The following FBF1 variants were observed in gnomAD, a reference collection of about 807,000 sequenced individuals.
The protein encoded by FBF1 is fas-binding factor 1.
In FBF1, 119 loss-of-function variants were observed where a neutral mutation model predicts 147.2. That is an observed-to-expected ratio of 0.81 (90% CI 0.70 to 0.94). The LOEUF is 0.94. FBF1 is among the 40% of genes least tolerant of loss of function. The probability of loss-of-function intolerance (pLI) is 0.00; values close to 1 mark genes in which losing one functional copy is unlikely to be tolerated. For missense variants in FBF1, 1,449 were observed against 1,500.8 expected (o/e 0.97, Z 0.57); for synonymous variants, 601 against 609.0 (o/e 0.99, Z 0.19).
rs2065449111 is a variant in FBF1, at chr17:75,910,170, C to A, written c.*553G>T. 2.5e-6 allele frequency: 1 copy of A among 406,168 alleles called. No individual in the cohort carries two copies. The highest frequency in any genetic ancestry group is 4.8e-6 in the Non-Finnish European group (1 of 209,394). The allele number at this position is 406,168 out of a possible 1,614,324, so 25.2% of individuals were successfully genotyped here. On this transcript the variant is annotated 3_prime_UTR_variant, in exon 30 of 30. Coordinates refer to ENST00000636174, the MANE Select transcript of FBF1 (RefSeq NM_001319193.2). This position sits in a 1 kb window ranked among gnomAD's most constrained non-coding sequence, Gnocchi z 4.1. ...CTGGGCAAGCCCAGGAGGAGGAGGG[C>A]CTGGCTGAGTTCCAGGAACATCTCA...
chr17:75,912,342 T>C (rs202022944), intron 28 of FBF1, 35 bp from the exon 29 acceptor site: 1 of 1,498,146 alleles, frequency 6.7e-7, no homozygotes, highest in East Asian at 2.4e-5. Context: ...GGGACCAAAG[T>C]GTTGGTGGAA....
rs1224589616 is a variant in FBF1 at position 75,913,683 on chromosome 17, T to G, written c.3247+19A>C. ...TGCCCAGTCCTGAGCCGCCGGCCCT[T>G]CCTTCTGGAGCCACTCACCACTCTG... On this transcript the variant is annotated intron_variant, in intron 28 of 29. Transcript: ENST00000636174. 6.4e-7 allele frequency: 1 copy of G among 1,568,254 alleles called. No individual in the cohort carries two copies. Among genetic ancestry groups the G allele is most frequent in the Admixed American group, 1.8e-5 (1 of 56,186 alleles).
rs1050781758 is a variant in FBF1, at chr17:75,923,772, C to T, written c.969-131G>A. On this transcript the variant is annotated intron_variant, in intron 13 of 29. Transcript: ENST00000636174. This position sits in a 1 kb window ranked among gnomAD's most constrained non-coding sequence, Gnocchi z 4.1. ...AGCTGAGGCCCAGTGAGCAGTGGCTCCTGGACCGGCTCAGGTGGCAGGCCA... is the reference window on the plus strand; with the variant it reads ...AGCTGAGGCCCAGTGAGCAGTGGCTTCTGGACCGGCTCAGGTGGCAGGCCA... The T allele has an allele frequency of 5.6e-5, 50 of 894,094 alleles. No individual in the cohort carries two copies. Among genetic ancestry groups the T allele is most frequent in the East Asian group, 4.5e-4 (17 of 37,640 alleles). The allele number at this position is 894,094 out of a possible 1,614,324, so 55.4% of individuals were successfully genotyped here.
chr17:75,927,471 C>G lies in FBF1; in HGVS notation c.459G>C (p.Arg153Ser), dbSNP rs1229457778. 6.3e-7 allele frequency: 1 copy of G among 1,597,700 alleles called. No individual in the cohort carries two copies. The highest frequency in any genetic ancestry group is 8.5e-7 in the Non-Finnish European group (1 of 1,172,416). The change falls in exon 9 of 30, where the codon AGG becomes AGC. Residue 153 changes from arginine to serine, a missense_variant. By Grantham distance (110) the Arg-to-Ser change is moderately radical. Coordinates refer to ENST00000636174, the MANE Select transcript of FBF1 (RefSeq NM_001319193.2). The stretch of plus-strand genomic sequence containing the variant: ...CTATGGTACCTTCAGAGGAAAACCT[C>G]CTGTTCTGATGCCCAGAGCTGCTGG... ...PSPSSSGHQN[R>S]RFSSEDLEDP...
chr17:75,929,735 T>C (rs2065582785), intron 7 of FBF1, among the ~76,000 whole-genome samples: 1 of 151,988 alleles, frequency 6.6e-6, no homozygotes, highest in South Asian at 2.1e-4. Flanking sequence ...CCCAGCTAGG[T>C]GGGCCTCCGA....
chr17:75,938,108 T>G, intron 2 of FBF1, 39 bp downstream of exon 2: 1 of 1,612,136 alleles, frequency 6.2e-7, no homozygotes, highest in Non-Finnish European at 8.5e-7. Context: ...ATGGGAGGCA[T>G]GTTCGCTTTC....
chr17:75,914,062 C>A lies in FBF1; in HGVS notation c.2992-12G>T, dbSNP rs1422729909. The A allele has an allele frequency of 1.9e-6, 3 of 1,591,222 alleles. No individual in the cohort carries two copies. Among genetic ancestry groups the A allele is most frequent in the African/African-American group, 2.7e-5 (2 of 74,776 alleles). ...TTCTCGGAGGCCACCTGCAGGGAGG[C>A]CGCCTGGGTCAGGGCTGCCTGGGCT... On this transcript the variant is annotated splice_polypyrimidine_tract_variant and intron_variant, in intron 26 of 29. Transcript: ENST00000636174.
rs1482793793 is a variant in FBF1, at chr17:75,909,870, G to C, written c.*853C>G. 1 of 697,908 alleles carries C rather than the reference G, an allele frequency of 1.4e-6. No homozygotes were observed. The highest frequency in any genetic ancestry group is 2.6e-6 in the Non-Finnish European group (1 of 381,778). The allele number at this position is 697,908 out of a possible 1,614,324, so 43.2% of individuals were successfully genotyped here. A position where few individuals can be genotyped will look rare whatever the true frequency, so the allele number is the denominator to read the frequency against. ...GCCATGGCAAAAGCAGTTTTTTTAA[G>C]CTTAGTCAAGTTGAAGCAGCGGGAG... On this transcript the variant is annotated 3_prime_UTR_variant, in exon 30 of 30. Transcript: ENST00000636174.
At position 75,913,710 on chromosome 17, in the gene FBF1, C is replaced by T; in HGVS notation, c.3239G>A (p.Ser1080Asn). 1 of 1,594,886 alleles carries T rather than the reference C, an allele frequency of 6.3e-7. No homozygotes were observed. The highest frequency in any genetic ancestry group is 8.5e-7 in the Non-Finnish European group (1 of 1,177,658). Residue 1080 changes from serine (S) to asparagine (N), a missense_variant, in exon 28 of 30, where the codon AGC (serine) becomes AAC (asparagine). By Grantham distance (46) the Ser-to-Asn change is conservative (BLOSUM62 1). Coordinates refer to ENST00000636174, the MANE Select transcript of FBF1 (RefSeq NM_001319193.2). ...CTTCTGGAGCCACTCACCACTCTGG[C>T]TGGAGGCTGCAGGGCCCTGGGCCCT... ...FPRAQGPAAS[S>N]QSALMPPAPT...
intron 9 of FBF1, 62 bp downstream of exon 9, chr17:75,927,393 T>C (rs1194463390): frequency 4.8e-6 from 7 of 1,454,618 alleles, no homozygotes; most frequent in Non-Finnish European, 6.6e-6. Flanking sequence ...CCAGCAAGCA[T>C]GCCTAGGCTG....
In FBF1 at chr17:75,919,612, C is replaced by T. The variant is rs181700847; in HGVS notation, c.2138+56G>A. ...AGCGAAGGGTCTCGTGGGGATGGCT[C>T]TCTTCCGGCTACTCCTTGCAAGCCT... On this transcript the variant is annotated intron_variant, in intron 20 of 29. Coordinates refer to ENST00000636174, the MANE Select transcript of FBF1 (RefSeq NM_001319193.2). This position sits in a 1 kb window ranked among gnomAD's most constrained non-coding sequence, Gnocchi z 5.0. 18 of 1,537,098 alleles carry T rather than the reference C, an allele frequency of 1.2e-5. No individual in the cohort carries two copies. The highest frequency in any genetic ancestry group is 5.3e-6 in the Non-Finnish European group (6 of 1,141,664).
Position 75,922,142 on chromosome 17 carries a change from TG to T in FBF1, c.1425-97del. On this transcript the variant is annotated intron_variant, in intron 14 of 29. Transcript: ENST00000636174. The surrounding 1 kb of genome is among the most constrained non-coding windows in gnomAD (Gnocchi z 5.0). ...GGACGGGCTTCACACGTGAAGCTCG[TG>T]GCCCCCCTTCCTCCTGCTTCCACCA... The T allele has an allele frequency of 9.9e-7, 1 of 1,010,396 alleles. No individual in the cohort carries two copies. The highest frequency in any genetic ancestry group is 2.4e-4 in the Middle Eastern group (1 of 4,082). The allele number at this position is 1,010,396 out of a possible 1,614,324, so 62.6% of individuals were successfully genotyped here. A position where few individuals can be genotyped will look rare whatever the true frequency, so the allele number is the denominator to read the frequency against.
In FBF1 at chr17:75,925,207, G is replaced by C. The variant is rs1483995042; in HGVS notation, c.968+140C>G. On this transcript the variant is annotated intron_variant, in intron 13 of 29. Transcript: ENST00000636174. The surrounding 1 kb of genome is among the most constrained non-coding windows in gnomAD (Gnocchi z 5.0). Reference sequence around the variant, plus strand: ...ACCAGGCCATCTCCCGCTTCCTTCAGCACCTGCAGAGCTGAGGGCCTTGTA... The same window carrying C: ...ACCAGGCCATCTCCCGCTTCCTTCACCACCTGCAGAGCTGAGGGCCTTGTA... The C allele has an allele frequency of 1.7e-6, 1 of 584,274 alleles. No homozygotes were observed. The highest frequency in any genetic ancestry group is 4.7e-4 in the Middle Eastern group (1 of 2,116). 36.2% of individuals were successfully genotyped at this position (584,274 alleles called of 1,614,324 possible). A position where few individuals can be genotyped will look rare whatever the true frequency, so the allele number is the denominator to read the frequency against.
chr17:75,927,421 A>C (rs753172967), intron 9 of FBF1, 34 bp downstream of exon 9: 7 of 1,550,026 alleles, frequency 4.5e-6, no homozygotes, highest in Non-Finnish European at 6.1e-6. Flanking sequence ...CCCAAACCAG[A>C]GTGTCCCAGA....
chr17:75,934,267 A>G (rs921554252), intron 4 of FBF1, among the ~76,000 whole-genome samples: 5 of 152,236 alleles, frequency 3.3e-5, no homozygotes, highest in Non-Finnish European at 7.3e-5. Flanking sequence ...ATTATGCTAC[A>G]TCAGAGAAGC....
intron 13 of FBF1, among the ~76,000 whole-genome samples, chr17:75,924,374 C>T (rs534731555): frequency 3.9e-5 from 6 of 152,302 alleles, no homozygotes; most frequent in African/African-American, 1.4e-4. Flanking sequence ...GTGCTTAGAG[C>T]TATTCAGATA....
chr17:75,910,750 G>A lies in FBF1; in HGVS notation c.3420C>T (p.Ser1140=). The A allele has an allele frequency of 1.9e-6, 3 of 1,610,950 alleles. No individual in the cohort carries two copies. The highest frequency in any genetic ancestry group is 2.5e-6 in the Non-Finnish European group (3 of 1,178,784). ...AGGCTGAATGAGATGTCAAATTGTA[G>A]GACCCTTTCTTCAGGGTCTCCAGGA... ...QFFLETLKKG[S]YNLTSHSA is the part of the protein sequence containing the mutation. Residue 1140 remains serine (S), a synonymous_variant, in exon 30 of 30, where the codon TCC becomes TCT. Coordinates refer to ENST00000636174, the MANE Select transcript of FBF1 (RefSeq NM_001319193.2). The surrounding 1 kb of genome is among the most constrained non-coding windows in gnomAD (Gnocchi z 4.1).
At chr17:75,927,867 A>G (rs915217285) in intron 8 of FBF1, among the ~76,000 whole-genome samples, 1 of 152,170 alleles carries the variant, frequency 6.6e-6, no homozygotes, top group African/African-American at 2.4e-5. Flanking sequence ...GAACAGCTCG[A>G]GGAAGGGAGG....
At chr17:75,915,234 C>T in intron 23 of FBF1, 95 bp from the exon 24 acceptor site, 1 of 1,468,390 alleles carries the variant, frequency 6.8e-7, no homozygotes, top group Non-Finnish European at 9.0e-7. Context: ...ACCAGTGTCT[C>T]CCACACTATG....
Sources: gnomAD v4.1 joint callset for allele counts (sites outside exome capture counted in the v4.1 genomes callset) on GRCh38, gnomAD v4.1.1 for gene constraint, Gnocchi (gnomAD v3.1) non-coding constraint, MANE v1.5 for transcripts, NCBI Gene and HGNC (gene_info 2026-07-23, HGNC 2026-07-21) for gene names.